PCCA: variants seen among roughly 807,000 people sequenced by gnomAD.
PCCA encodes propionyl-CoA carboxylase subunit alpha, also known as propionyl-CoA carboxylase alpha chain, mitochondrial.
Under a neutral mutation model 101.3 loss-of-function variants are expected in PCCA, and 74 were observed. That is an observed-to-expected ratio of 0.73 (90% CI 0.61 to 0.89). PCCA has a LOEUF of 0.89. Ranked by LOEUF, PCCA falls within the 40% of genes least tolerant of loss-of-function variation. PCCA has a pLI of 0.00. For synonymous variants in PCCA, 294 were observed against 313.6 expected (o/e 0.94, Z 0.66); for missense variants, 891 against 907.0 (o/e 0.98, Z 0.23).
At chr13:100,197,527 C>T (rs1300534810) in intron 6 of PCCA, among the ~76,000 whole-genome samples, 1 of 152,144 alleles carries the variant, frequency 6.6e-6, no homozygotes, top group African/African-American at 2.4e-5. Context: ...TCACTGCAAC[C>T]TCTGTCTCCC....
At chr13:100,286,147 C>A (rs2064625252) in intron 12 of PCCA, among the ~76,000 whole-genome samples, 1 of 152,274 alleles carries the variant, frequency 6.6e-6, no homozygotes, top group Non-Finnish European at 1.5e-5. Flanking sequence ...AGGAACGGGA[C>A]TAAGATGTTC....
chr13:100,461,291 C>G (rs181093074), intron 21 of PCCA, among the ~76,000 whole-genome samples: 4 of 152,256 alleles, frequency 2.6e-5, no homozygotes, highest in Non-Finnish European at 5.9e-5. Flanking sequence ...TATCATAGGA[C>G]TCGAAATTTG....
intron 9 of PCCA, 46 bp from the exon 10 acceptor site, chr13:100,262,683 C>T (rs756272765): frequency 1.0e-5 from 6 of 572,962 alleles, no homozygotes; most frequent in African/African-American, 3.9e-5. Flanking sequence ...CCTTCCCCTT[C>T]CCCTCCCTCT....
At chr13:100,404,905 T>A (rs1339261524) in intron 19 of PCCA, among the ~76,000 whole-genome samples, 1 of 152,220 alleles carries the variant, frequency 6.6e-6, no homozygotes, top group Non-Finnish European at 1.5e-5. Context: ...GTGCTGTGCC[T>A]TTTAACCTTG....
chr13:100,144,534 C>T (rs2152351992), intron 4 of PCCA, among the ~76,000 whole-genome samples: 1 of 152,240 alleles, frequency 6.6e-6, no homozygotes, highest in African/African-American at 2.4e-5. Context: ...TGATGCTTTT[C>T]ATGACAGTCT....
At chr13:100,402,815 T>C (rs2077450365) in intron 19 of PCCA, among the ~76,000 whole-genome samples, 1 of 152,070 alleles carries the variant, frequency 6.6e-6, no homozygotes, top group African/African-American at 2.4e-5. Context: ...TCATGGAAGA[T>C]GGATGGTAGA....
chr13:100,364,607 T>C (rs183825867), intron 18 of PCCA, among the ~76,000 whole-genome samples: 14 of 152,248 alleles, frequency 9.2e-5, no homozygotes, highest in Non-Finnish European at 1.5e-4. Context: ...TTCAAACTTA[T>C]GTCAAGCCAG....
chr13:100,279,984 T>G (rs1361991022), intron 12 of PCCA, among the ~76,000 whole-genome samples: 1 of 146,312 alleles, frequency 6.8e-6, no homozygotes, highest in Non-Finnish European at 1.5e-5. Flanking sequence ...TTTTTCCAGC[T>G]TCAGAACTGT....
At chr13:100,443,463 A>T (rs79882097) in intron 20 of PCCA, among the ~76,000 whole-genome samples, 1 of 151,782 alleles carries the variant, frequency 6.6e-6, no homozygotes, top group Non-Finnish European at 1.5e-5. Context: ...AAAAAAAAAA[A>T]TCAATAATGT....
At chr13:100,247,451 C>G (rs1423617218) in intron 8 of PCCA, among the ~76,000 whole-genome samples, 1 of 150,718 alleles carries the variant, frequency 6.6e-6, no homozygotes, top group Non-Finnish European at 1.5e-5. Context: ...CTCCTGAGCT[C>G]ATGATCTGCC....
intron 12 of PCCA, among the ~76,000 whole-genome samples, chr13:100,275,221 C>T (rs1344689158): frequency 6.6e-6 from 1 of 152,114 alleles, no homozygotes; most frequent in Admixed American, 6.5e-5. Context: ...TTCATGGGAG[C>T]CGTGTCTTCA....
intron 6 of PCCA, among the ~76,000 whole-genome samples, chr13:100,195,804 G>A (rs1320647065): frequency 1.3e-5 from 2 of 152,040 alleles, no homozygotes; most frequent in East Asian, 1.9e-4. Context: ...TACATTTCCC[G>A]AAGAGAAAAA....
intron 21 of PCCA, among the ~76,000 whole-genome samples, chr13:100,459,641 G>A (rs2082040680): frequency 6.6e-6 from 1 of 152,176 alleles, no homozygotes; most frequent in African/African-American, 2.4e-5. Context: ...TTTGAAGTCA[G>A]GCTGTTGAAC....
chr13:100,313,484 G>A (rs1475104128), intron 16 of PCCA, among the ~76,000 whole-genome samples: 1 of 152,130 alleles, frequency 6.6e-6, no homozygotes, highest in Non-Finnish European at 1.5e-5. Flanking sequence ...GGTTGGTTTG[G>A]GGATGAAATT....
chr13:100,445,436 T>A lies in PCCA; in HGVS notation c.1846-3816T>A, dbSNP rs562055997. Among the ~76,000 whole-genome samples the A allele has an allele frequency of 4.6e-5, 7 of 152,338 alleles. No homozygotes were observed. In the South Asian group the frequency reaches 1.2e-3, roughly 27 times the overall value. Reference sequence around the variant, plus strand: ...TCATATACTTATTCTGTATGTGAGGTACACTTAAATATACTCAGAAAATTT... The same window carrying A: ...TCATATACTTATTCTGTATGTGAGGAACACTTAAATATACTCAGAAAATTT... On this transcript the variant is annotated intron_variant, in intron 20 of 23. Transcript: ENST00000376285.
chr13:100,201,440 A>C (rs1416028314), intron 6 of PCCA, among the ~76,000 whole-genome samples: 1 of 152,186 alleles, frequency 6.6e-6, no homozygotes, highest in East Asian at 1.9e-4. Context: ...AACTATGAGC[A>C]TGGTGGCTAC....
intron 20 of PCCA, among the ~76,000 whole-genome samples, chr13:100,428,272 T>C (rs946367735): frequency 1.3e-5 from 2 of 151,680 alleles, no homozygotes; most frequent in Non-Finnish European, 2.9e-5. Context: ...CTCACTATGT[T>C]GCCCAGGCTG....
At chr13:100,164,436 G>A (rs1318741879) in intron 6 of PCCA, among the ~76,000 whole-genome samples, 1 of 152,212 alleles carries the variant, frequency 6.6e-6, no homozygotes, top group Non-Finnish European at 1.5e-5. Flanking sequence ...GGTAAAGCTG[G>A]TCTTAGGGTT....
intron 1 of PCCA, among the ~76,000 whole-genome samples, chr13:100,097,784 G>A (rs186493487): frequency 2.2e-4 from 33 of 152,224 alleles, no homozygotes; most frequent in Middle Eastern, 3.4e-3. Context: ...GGCCAAGGTG[G>A]GAGGATCACT....
Sources: allele counts gnomAD v4.1 joint callset (sites outside exome capture counted in the v4.1 genomes callset), GRCh38; gene constraint gnomAD v4.1.1; transcripts MANE v1.5; gene names NCBI Gene and HGNC (gene_info 2026-07-23, HGNC 2026-07-21).